Variants in SORCS2 observed in about 807,000 individuals in gnomAD.
SORCS2 encodes the protein sortilin related VPS10 domain containing receptor 2.
In SORCS2, 100 loss-of-function variants were observed where a neutral mutation model predicts 141.6. The observed-to-expected ratio is 0.71, with a 90% CI of 0.60 to 0.83. The LOEUF is 0.83. Among genes scored for constraint, SORCS2 ranks in the 40% least tolerant of loss-of-function variants. SORCS2 has a pLI of 0.00. For synonymous variants in SORCS2, 789 were observed against 676.9 expected (o/e 1.17, Z -2.57); for missense variants, 1,646 against 1,560.2 (o/e 1.05, Z -0.93).
intron 3 of SORCS2, among the ~76,000 whole-genome samples, chr4:7,535,238 A>G (rs1366252547): frequency 2.6e-5 from 4 of 152,196 alleles, no homozygotes; most frequent in African/African-American, 9.7e-5. Context: ...GAGGCCCACC[A>G]AGGGCCTTGC....
chr4:7,275,708 C>T (rs1219337982), intron 1 of SORCS2, among the ~76,000 whole-genome samples: 1 of 151,820 alleles, frequency 6.6e-6, no homozygotes, highest in Non-Finnish European at 1.5e-5. Context: ...GATTGCTATT[C>T]TTACTAGTGT....
At chr4:7,462,515 A>G (rs763710781) in intron 2 of SORCS2, among the ~76,000 whole-genome samples, 1 of 152,104 alleles carries the variant, frequency 6.6e-6, no homozygotes, top group African/African-American at 2.4e-5. Flanking sequence ...AGTGTACTCC[A>G]GAGACGTTGG....
At chr4:7,393,301 G>A (rs541517112) in intron 1 of SORCS2, among the ~76,000 whole-genome samples, 6 of 152,126 alleles carry the variant, frequency 3.9e-5, no homozygotes, top group Non-Finnish European at 7.4e-5. Flanking sequence ...TCACATTCCC[G>A]ATTTTTCTCC....
chr4:7,422,869 C>A (rs1279914621), intron 2 of SORCS2, among the ~76,000 whole-genome samples: 2 of 152,220 alleles, frequency 1.3e-5, no homozygotes, highest in Non-Finnish European at 2.9e-5. Flanking sequence ...CAGGGCTTCT[C>A]AGCACACCCG....
chr4:7,397,667 G>A (rs191152957), intron 2 of SORCS2, among the ~76,000 whole-genome samples: 19 of 152,256 alleles, frequency 1.2e-4, no homozygotes, highest in East Asian at 7.7e-4. Flanking sequence ...TCACTACTTC[G>A]AGACGAGAGC....
In SORCS2 at chr4:7,664,495, G is replaced by T; in HGVS notation, c.1071+24G>T. The T allele has an allele frequency of 6.5e-7, 1 of 1,544,420 alleles. No homozygotes were observed. Among genetic ancestry groups the T allele is most frequent in the East Asian group, 2.3e-5 (1 of 42,774 alleles). On this transcript the variant is annotated intron_variant, in intron 7 of 26. Coordinates refer to ENST00000507866, the MANE Select transcript of SORCS2 (RefSeq NM_020777.3). This position sits in a 1 kb window ranked among gnomAD's most constrained non-coding sequence, Gnocchi z 4.7. The stretch of plus-strand genomic sequence containing the variant: ...AGGTAAGGTTGCTTCTGGGGCTTTT[G>T]GAAATTGGCAACAGGTGACGTGGCG...
chr4:7,278,366 C>A (rs1054032971), intron 1 of SORCS2, among the ~76,000 whole-genome samples: 1 of 152,120 alleles, frequency 6.6e-6, no homozygotes, highest in African/African-American at 2.4e-5. Context: ...ATCATCAACT[C>A]CTCAGGCATC....
chr4:7,416,824 G>A (rs796619063), intron 2 of SORCS2, among the ~76,000 whole-genome samples: 12 of 150,960 alleles, frequency 7.9e-5, no homozygotes, highest in African/African-American at 2.9e-4. Context: ...GTACACACTT[G>A]TGAACACACA....
intron 1 of SORCS2, among the ~76,000 whole-genome samples, chr4:7,290,795 C>CA (rs1293336425): frequency 3.8e-4 from 55 of 143,332 alleles, no homozygotes; most frequent in African/African-American, 8.7e-4. Flanking sequence ...AGGCTGCATT[C>CA]TTTCATTCAT....
At chr4:7,738,904 G>T (rs1190788487) in intron 26 of SORCS2, among the ~76,000 whole-genome samples, 1 of 152,062 alleles carries the variant, frequency 6.6e-6, no homozygotes, top group Non-Finnish European at 1.5e-5. Context: ...AGGCCTGTCT[G>T]CCCCACCCCC....
chr4:7,654,511 C>G (rs945334660), intron 5 of SORCS2, among the ~76,000 whole-genome samples: 1 of 152,218 alleles, frequency 6.6e-6, no homozygotes, highest in Non-Finnish European at 1.5e-5. Flanking sequence ...TGTGCCACTG[C>G]TGTTCCCTCC....
chr4:7,324,002 G>A (rs1719073482), intron 1 of SORCS2, among the ~76,000 whole-genome samples: 1 of 152,204 alleles, frequency 6.6e-6, no homozygotes, highest in Non-Finnish European at 1.5e-5. Context: ...CCTAGGATCT[G>A]AGGCCCACAC....
At position 7,723,777 on chromosome 4, in the gene SORCS2, G is replaced by A. The variant is rs1051083597; in HGVS notation, c.2505G>A (p.Gly835=). 5.6e-6 allele frequency: 9 copies of A among 1,613,862 alleles called. No individual in the cohort carries two copies. Among genetic ancestry groups the A allele is most frequent in the Non-Finnish European group, 6.8e-6 (8 of 1,179,908 alleles). ...TGTACGTGAACCTTACACTGACCGGGGAGCCCATCCGGCACCGCTACGAGA... is the reference window on the plus strand; with the variant it reads ...TGTACGTGAACCTTACACTGACCGGAGAGCCCATCCGGCACCGCTACGAGA... ...KAMYVNLTLT[G]EPIRHRYESP... Residue 835 remains glycine, a synonymous_variant, in exon 19 of 27, where the codon GGG becomes GGA. Transcript: ENST00000507866.
intron 1 of SORCS2, among the ~76,000 whole-genome samples, chr4:7,259,801 A>C (rs1560146745): frequency 6.6e-6 from 1 of 152,232 alleles, no homozygotes; most frequent in Non-Finnish European, 1.5e-5. Flanking sequence ...TGAGGACCTG[A>C]GACTCTGAGA....
At chr4:7,571,835 C>T (rs1393050649) in intron 3 of SORCS2, among the ~76,000 whole-genome samples, 2 of 152,192 alleles carry the variant, frequency 1.3e-5, no homozygotes, top group Non-Finnish European at 2.9e-5. Context: ...ACAAACACAT[C>T]CCAGTAACAA....
At chr4:7,467,285 T>TG (rs1473993933) in intron 2 of SORCS2, among the ~76,000 whole-genome samples, 2 of 152,178 alleles carry the variant, frequency 1.3e-5, no homozygotes, top group African/African-American at 4.8e-5. Flanking sequence ...GTATCCACTG[T>TG]GGCCAGGACA....
intron 1 of SORCS2, among the ~76,000 whole-genome samples, chr4:7,330,053 C>T (rs1719550186): frequency 6.6e-6 from 1 of 151,880 alleles, no homozygotes; most frequent in Non-Finnish European, 1.5e-5. Flanking sequence ...TCCCTTGCCT[C>T]CCCCAGCTTC....
chr4:7,585,166 T>C (rs1716453459), intron 3 of SORCS2, among the ~76,000 whole-genome samples: 1 of 152,188 alleles, frequency 6.6e-6, no homozygotes, highest in Non-Finnish European at 1.5e-5. Context: ...CTGGGACTTA[T>C]TTTCTTTAGT....
intron 2 of SORCS2, among the ~76,000 whole-genome samples, chr4:7,449,491 G>C (rs185522887): frequency 2.1e-5 from 3 of 144,852 alleles, no homozygotes; most frequent in African/African-American, 7.7e-5. Context: ...AAGTTACCAC[G>C]TGACGTTGTG....
Sources: gnomAD v4.1 joint callset for allele counts (sites outside exome capture counted in the v4.1 genomes callset) on GRCh38, gnomAD v4.1.1 for gene constraint, Gnocchi (gnomAD v3.1) non-coding constraint, MANE v1.5 for transcripts, NCBI Gene and HGNC (gene_info 2026-07-23, HGNC 2026-07-21) for gene names.